PFDN2: variants seen among roughly 807,000 people sequenced by gnomAD.
The protein encoded by PFDN2 is prefoldin subunit 2, also known as prefoldin 2.
PFDN2 carries 7 observed loss-of-function variants against 18.3 expected under a neutral mutation model. The ratio of observed to expected loss-of-function variants is 0.38; its 90% confidence interval spans 0.22 to 0.72. The LOEUF (loss-of-function observed/expected upper bound fraction) is 0.72. Among genes scored for constraint, PFDN2 ranks in the 30% least tolerant of loss-of-function variants. The pLI, the probability that PFDN2 is intolerant of heterozygous loss-of-function variation, is 0.47. For missense variants in PFDN2, 181 were observed against 199.1 expected (o/e 0.91, Z 0.55); for synonymous variants, 76 against 75.0 (o/e 1.01, Z -0.07).
At position 161,100,811 on chromosome 1, in the gene PFDN2, T is replaced by C; in HGVS notation, c.337A>G (p.Lys113Glu). The C allele has an allele frequency of 6.2e-7, 1 of 1,614,058 alleles. No individual in the cohort carries two copies. The highest frequency in any genetic ancestry group is 8.5e-7 in the Non-Finnish European group (1 of 1,179,892). Residue 113 changes from lysine to glutamate, a missense_variant, in exon 4 of 4, where the codon AAA becomes GAA. By Grantham distance (56) the Lys-to-Glu change is moderately conservative (BLOSUM62 1). Coordinates refer to ENST00000368010, the MANE Select transcript of PFDN2 (RefSeq NM_012394.4). ...TLTQQLQAKG[K>E]ELNEFREKHN... ...TTTTCCCGGAATTCATTTAGTTCTT[T>C]TCCCTTTGCCTGAAGCTGCTGTGTC...
chr1:161,117,863 G>C, intron 1 of PFDN2, 89 bp downstream of exon 1: 1 of 1,179,820 alleles, frequency 8.5e-7, no homozygotes, highest in Admixed American at 2.3e-5. Context: ...TGGTGCTGGA[G>C]TAAAGGCCTG....
At chr1:161,107,116 GAT>G (rs1654692772) in intron 1 of PFDN2, among the ~76,000 whole-genome samples, 6 of 152,268 alleles carry the variant, frequency 3.9e-5, no homozygotes, top group Admixed American at 2.0e-4. Context: ...ATACCCTATT[GAT>G]ATATTTTTAA....
intron 1 of PFDN2, among the ~76,000 whole-genome samples, chr1:161,114,367 T>A (rs1180967959): frequency 6.6e-6 from 1 of 152,216 alleles, no homozygotes; most frequent in East Asian, 1.9e-4. Context: ...CTTTTCTCCA[T>A]ATTCAAGTTC....
intron 3 of PFDN2, among the ~76,000 whole-genome samples, chr1:161,101,060 T>G (rs1252490906): frequency 6.6e-6 from 1 of 152,200 alleles, no homozygotes; most frequent in East Asian, 1.9e-4. Context: ...GGCTGCTTAT[T>G]TTTATTTTTT....
chr1:161,117,408 C>T (rs1042242837), intron 1 of PFDN2, among the ~76,000 whole-genome samples: 1 of 152,144 alleles, frequency 6.6e-6, no homozygotes, highest in Non-Finnish European at 1.5e-5. Context: ...AAAATGCAAA[C>T]TCGGATTAGA....
At chr1:161,112,026 C>T (rs1235862427) in intron 1 of PFDN2, among the ~76,000 whole-genome samples, 3 of 152,120 alleles carry the variant, frequency 2.0e-5, no homozygotes, top group Non-Finnish European at 4.4e-5. Context: ...GAGGAAGGAG[C>T]TTTTTTGTGC....
At chr1:161,105,482 G>A (rs1407125333) in intron 1 of PFDN2, among the ~76,000 whole-genome samples, 1 of 151,330 alleles carries the variant, frequency 6.6e-6, no homozygotes, top group Non-Finnish European at 1.5e-5. Context: ...TTTCTGAGAG[G>A]AGTCTTGCTC....
At chr1:161,108,476 A>C (rs900018335) in intron 1 of PFDN2, among the ~76,000 whole-genome samples, 39 of 149,254 alleles carry the variant, frequency 2.6e-4, no homozygotes, top group Admixed American at 2.5e-3. Context: ...AAAAAAGGAG[A>C]ATCACTTGAA....
At chr1:161,107,346 A>G (rs960408615) in intron 1 of PFDN2, among the ~76,000 whole-genome samples, 3 of 143,792 alleles carry the variant, frequency 2.1e-5, no homozygotes, top group African/African-American at 7.9e-5. Context: ...AACTGCTTGA[A>G]CCCAGGAGGC....
rs1571181052 is a variant in PFDN2, at chr1:161,102,075, C to T, written c.261G>A (p.Leu87=). The change falls in exon 3 of 4, where the codon CTG becomes CTA. Residue 87 remains leucine, a synonymous_variant. Transcript: ENST00000368010. Reference sequence around the variant, plus strand: ...GCTCCTTGTTGTTCTCCAAAGCGGGCAGCACCTCTTTGACAGTTCGCTCCA... The same window carrying T: ...GCTCCTTGTTGTTCTCCAAAGCGGGTAGCACCTCTTTGACAGTTCGCTCCA... The part of the protein sequence containing the change: ...VLVERTVKEV[L]PALENNKEQI... 3.1e-6 allele frequency: 5 copies of T among 1,614,222 alleles called. No individual in the cohort carries two copies.
intron 1 of PFDN2, among the ~76,000 whole-genome samples, chr1:161,103,437 C>T (rs1047240756): frequency 4.0e-5 from 6 of 150,966 alleles, no homozygotes; most frequent in South Asian, 2.1e-4. Flanking sequence ...CGCCTGTAAT[C>T]GCAGCACTTT....
chr1:161,102,220 T>C, intron 2 of PFDN2, 49 bp from the exon 3 acceptor site: 2 of 1,613,742 alleles, frequency 1.2e-6, no homozygotes, highest in Non-Finnish European at 1.7e-6. Flanking sequence ...CCCACTCTAC[T>C]ACAAATCCCC....
chr1:161,108,678 G>A (rs1654738027), intron 1 of PFDN2, among the ~76,000 whole-genome samples: 2 of 152,058 alleles, frequency 1.3e-5, no homozygotes, highest in African/African-American at 4.8e-5. Context: ...AGTCAAAAAG[G>A]CATTAGCATT....
chr1:161,110,640 T>C (rs1234681328), intron 1 of PFDN2, among the ~76,000 whole-genome samples: 1 of 152,120 alleles, frequency 6.6e-6, no homozygotes, highest in Non-Finnish European at 1.5e-5. Flanking sequence ...ATAGAAGAGG[T>C]AGAGAGTTAT....
At chr1:161,116,539 G>A (rs956196301) in intron 1 of PFDN2, among the ~76,000 whole-genome samples, 1 of 152,046 alleles carries the variant, frequency 6.6e-6, no homozygotes, top group Non-Finnish European at 1.5e-5. Context: ...AAAGCATTAG[G>A]TTCCTTTTCC....
Position 161,106,944 on chromosome 1 carries a change from G to A in PFDN2, c.76-4569C>T, listed in dbSNP as rs556244095. ...CCTACCTCAGCCTCTTGAATGATGG[G>A]ACCATTGGCATGTGCCACTATGCCC... On this transcript the variant is annotated intron_variant, in intron 1 of 3. Coordinates refer to ENST00000368010, the MANE Select transcript of PFDN2 (RefSeq NM_012394.4). Among the ~76,000 whole-genome samples, 4 of 152,146 alleles carry A rather than the reference G, an allele frequency of 2.6e-5. No individual in the cohort carries two copies. The East Asian group carries it at 7.8e-4, about 30-fold the overall frequency.
intron 1 of PFDN2, among the ~76,000 whole-genome samples, chr1:161,111,714 T>G (rs981280366): frequency 6.6e-6 from 1 of 152,200 alleles, no homozygotes; most frequent in Non-Finnish European, 1.5e-5. Flanking sequence ...ATCTCAAGCC[T>G]CCTTCTTTCT....
chr1:161,112,286 T>C (rs982530750), intron 1 of PFDN2, among the ~76,000 whole-genome samples: 28 of 152,352 alleles, frequency 1.8e-4, no homozygotes, highest in Non-Finnish European at 2.9e-4. Flanking sequence ...TAGTAGCTGC[T>C]ATTATTACAG....
intron 1 of PFDN2, among the ~76,000 whole-genome samples, chr1:161,113,390 A>T (rs1441803516): frequency 6.6e-6 from 1 of 152,254 alleles, no homozygotes; most frequent in Non-Finnish European, 1.5e-5. Flanking sequence ...CCAGTTACTG[A>T]CCTTGGGCAA....
Sources: gnomAD v4.1 joint callset for allele counts (sites outside exome capture counted in the v4.1 genomes callset) on GRCh38, gnomAD v4.1.1 for gene constraint, MANE v1.5 for transcripts, NCBI Gene and HGNC (gene_info 2026-07-23, HGNC 2026-07-21) for gene names.